ATP6V0D2: variants seen among roughly 807,000 people sequenced by gnomAD.
The protein encoded by ATP6V0D2 is ATPase H+ transporting V0 subunit d2.
ATP6V0D2 carries 40 observed loss-of-function variants against 40.0 expected under a neutral mutation model. That is an observed-to-expected ratio of 1.00 (90% confidence interval 0.78 to 1.30). The LOEUF is 1.30. Among genes scored for constraint, ATP6V0D2 ranks in the 50% most tolerant of loss-of-function variants. ATP6V0D2 has a pLI of 0.00. For missense variants in ATP6V0D2, 470 were observed against 423.1 expected, an observed-to-expected ratio of 1.11 and a Z score of -0.97; for synonymous variants, 179 against 156.3, an observed-to-expected ratio of 1.15 and a Z score of -1.08.
At chr8:86,148,106 A>T (rs1438920943) in intron 5 of ATP6V0D2, among the ~76,000 whole-genome samples, 2 of 152,226 alleles carry the variant, frequency 1.3e-5, no homozygotes, top group African/African-American at 4.8e-5. Flanking sequence ...TCTCTTCGTA[A>T]GATCATGACA....
intron 7 of ATP6V0D2, 47 bp from the exon 8 acceptor site, chr8:86,152,769 T>A (rs961837886): frequency 1.3e-6 from 2 of 1,539,164 alleles, no homozygotes; most frequent in African/African-American, 2.8e-5. Context: ...TATTCCATAA[T>A]GTTCCAAATA....
At chr8:86,152,773 C>G (rs1413807841) in intron 7 of ATP6V0D2, 43 bp from the exon 8 acceptor site, 1 of 1,548,976 alleles carries the variant, frequency 6.5e-7, no homozygotes, top group Non-Finnish European at 8.7e-7. Context: ...CCATAATGTT[C>G]CAAATAAGTT....
intron 2 of ATP6V0D2, among the ~76,000 whole-genome samples, chr8:86,115,279 G>T (rs1818578049): frequency 6.7e-6 from 1 of 149,758 alleles, no homozygotes; most frequent in African/African-American, 2.5e-5. Flanking sequence ...AGCAGGGAAT[G>T]AAAAGAATCC....
chr8:86,113,164 C>T (rs917161001), intron 1 of ATP6V0D2, among the ~76,000 whole-genome samples: 2 of 150,778 alleles, frequency 1.3e-5, no homozygotes, highest in African/African-American at 4.9e-5. Flanking sequence ...CTAAATAATA[C>T]CAGATTTCTT....
intron 5 of ATP6V0D2, among the ~76,000 whole-genome samples, chr8:86,144,925 C>T (rs1184108598): frequency 6.6e-6 from 1 of 151,052 alleles, no homozygotes; most frequent in East Asian, 2.0e-4. Context: ...GGAAGCCAAG[C>T]TGGGTGAGCA....
chr8:86,103,823 T>G (rs1340463552), intron 1 of ATP6V0D2, among the ~76,000 whole-genome samples: 1 of 152,068 alleles, frequency 6.6e-6, no homozygotes, highest in African/African-American at 2.4e-5. Context: ...TTATGTGGCA[T>G]AGTTTTTTGT....
chr8:86,116,447 C>T (rs1395631435), intron 2 of ATP6V0D2, among the ~76,000 whole-genome samples: 1 of 152,124 alleles, frequency 6.6e-6, no homozygotes, highest in East Asian at 1.9e-4. Flanking sequence ...CTCAAACCAT[C>T]CTCTCACCTT....
At chr8:86,102,995 C>T (rs887205302) in intron 1 of ATP6V0D2, among the ~76,000 whole-genome samples, 2 of 152,106 alleles carry the variant, frequency 1.3e-5, no homozygotes, top group African/African-American at 2.4e-5. Flanking sequence ...ATATTCTTCC[C>T]TCCTCAAAAA....
In ATP6V0D2 at chr8:86,105,616, C is replaced by CTTTTTTT. The variant is rs1401385712; in HGVS notation, c.130+6512_130+6513insTTTTTTT. On this transcript the variant is annotated intron_variant, in intron 1 of 7. Coordinates refer to ENST00000285393, the MANE Select transcript of ATP6V0D2 (RefSeq NM_152565.1). ...TGCCTAGCCTGTAAACTTCTTTTTTCTTTTCTTTTTTTTTTTTTTTGAGAT... is the reference window on the plus strand; with the variant it reads ...TGCCTAGCCTGTAAACTTCTTTTTTCTTTTTTTTTTTCTTTTTTTTTTTTTTTGAGAT... Among the ~76,000 whole-genome samples the CTTTTTTT allele has an allele frequency of 2.0e-4, 26 of 131,206 alleles. 1 individual carries two copies. The highest frequency in any genetic ancestry group is 4.4e-3 in the Middle Eastern group (1 of 226). The allele number at this position is 131,206 out of a possible 152,430, so 86.1% of individuals were successfully genotyped here.
Position 86,142,879 on chromosome 8 carries a change from T to C in ATP6V0D2, c.564T>C (p.Ser188=). Reference sequence around the variant, plus strand: ...TTATGATCTTTTTTCTTTTTAAGTCTTACCTTGAGGCATTCTATAAATTCT... The same window carrying C: ...TTATGATCTTTTTTCTTTTTAAGTCCTACCTTGAGGCATTCTATAAATTCT... ...IELLRNKLYK[S]YLEAFYKFCK... is the part of the protein sequence containing the mutation. The change falls in exon 5 of 8, where the codon TCT becomes TCC. Residue 188 remains serine (S), a splice_region_variant and synonymous_variant. Transcript: ENST00000285393. The C allele has an allele frequency of 6.3e-7, 1 of 1,594,542 alleles. No individual in the cohort carries two copies. Among genetic ancestry groups the C allele is most frequent in the Non-Finnish European group, 8.6e-7 (1 of 1,165,532 alleles).
intron 2 of ATP6V0D2, among the ~76,000 whole-genome samples, chr8:86,136,195 C>T (rs1818894098): frequency 6.6e-6 from 1 of 152,168 alleles, no homozygotes; most frequent in Admixed American, 6.5e-5. Flanking sequence ...AAAGCCCTTG[C>T]TCATTGCAAT....
intron 5 of ATP6V0D2, among the ~76,000 whole-genome samples, chr8:86,147,777 G>A (rs1345074436): frequency 1.3e-5 from 2 of 152,158 alleles, no homozygotes; most frequent in Admixed American, 1.3e-4. Flanking sequence ...GATGGGACAG[G>A]AGCGCAGGGA....
At chr8:86,109,880 G>A (rs1042177312) in intron 1 of ATP6V0D2, among the ~76,000 whole-genome samples, 2 of 152,028 alleles carry the variant, frequency 1.3e-5, no homozygotes, top group Admixed American at 1.3e-4. Flanking sequence ...CCTAATTGCA[G>A]GTGCACCCTC....
chr8:86,106,959 C>T (rs950876731), intron 1 of ATP6V0D2, among the ~76,000 whole-genome samples: 2 of 151,778 alleles, frequency 1.3e-5, no homozygotes, highest in African/African-American at 2.4e-5. Context: ...TTGCTAGAGG[C>T]CAGGAGTTCA....
At chr8:86,101,312 T>G (rs1818394210) in intron 1 of ATP6V0D2, among the ~76,000 whole-genome samples, 1 of 151,522 alleles carries the variant, frequency 6.6e-6, no homozygotes, top group South Asian at 2.1e-4. Flanking sequence ...TTTTGAAAAT[T>G]GGCTGGGCAT....
chr8:86,126,176 A>T (rs1271795963), intron 2 of ATP6V0D2, among the ~76,000 whole-genome samples: 3 of 143,998 alleles, frequency 2.1e-5, no homozygotes, highest in Non-Finnish European at 4.5e-5. Context: ...ACCTCAAGTG[A>T]GCCACCTGCC....
chr8:86,127,558 G>C (rs1466937540), intron 2 of ATP6V0D2, among the ~76,000 whole-genome samples: 1 of 151,772 alleles, frequency 6.6e-6, no homozygotes, highest in East Asian at 1.9e-4. Flanking sequence ...TGAGTAGCTG[G>C]AACTACAAGC....
chr8:86,113,416 A>T (rs912948483), intron 1 of ATP6V0D2, among the ~76,000 whole-genome samples: 1 of 152,202 alleles, frequency 6.6e-6, no homozygotes, highest in Non-Finnish European at 1.5e-5. Context: ...CAAGAGGCAG[A>T]GGTTGCCGTG....
At chr8:86,124,015 T>G (rs1307240085) in intron 2 of ATP6V0D2, among the ~76,000 whole-genome samples, 1 of 152,184 alleles carries the variant, frequency 6.6e-6, no homozygotes, top group African/African-American at 2.4e-5. Flanking sequence ...GAATTCCAGT[T>G]TCAACAATCA....
Sources: gnomAD v4.1 joint callset for allele counts (sites outside exome capture counted in the v4.1 genomes callset) on GRCh38, gnomAD v4.1.1 for gene constraint, MANE v1.5 for transcripts, NCBI Gene and HGNC (gene_info 2026-07-23, HGNC 2026-07-21) for gene names.